The following SPTBN4 variants were observed in gnomAD, a reference collection of about 807,000 sequenced individuals.
The protein encoded by SPTBN4 is spectrin beta, non-erythrocytic 4.
Under a neutral mutation model 277.8 loss-of-function variants are expected in SPTBN4, and 96 were observed. The ratio of observed to expected loss-of-function variants is 0.35; its 90% CI spans 0.29 to 0.41. The LOEUF (loss-of-function observed/expected upper bound fraction) is 0.41, where lower values mean the gene tolerates loss of function less well. SPTBN4 is among the 10% of genes least tolerant of loss of function. The pLI, the probability that SPTBN4 is intolerant of heterozygous loss-of-function variation, is 1.00. For missense variants in SPTBN4, 3,006 were observed against 3,595.7 expected, an observed-to-expected ratio of 0.84 and a Z score of 4.19; for synonymous variants, 1,481 against 1,580.3, an observed-to-expected ratio of 0.94 and a Z score of 1.49.
chr19:40,515,583 A>T lies in SPTBN4; in HGVS notation c.2903+135A>T. 9.2e-7 allele frequency: 1 copy of T among 1,085,888 alleles called. No individual in the cohort carries two copies. The highest frequency in any genetic ancestry group is 1.3e-6 in the Non-Finnish European group (1 of 799,190). 67.3% of individuals were successfully genotyped at this position (1,085,888 alleles called of 1,614,324 possible). ...GATAAATCAACAAAATGTTGACCAA[A>T]AATCATAATCCCTGATACTGGTGAT... On this transcript the variant is annotated intron_variant, in intron 15 of 35. Transcript: ENST00000598249. This position sits in a 1 kb window ranked among gnomAD's most constrained non-coding sequence, Gnocchi z 4.1.
chr19:40,481,336 G>A (rs1239358845), intron 2 of SPTBN4, among the ~76,000 whole-genome samples: 1 of 152,128 alleles, frequency 6.6e-6, no homozygotes, highest in Non-Finnish European at 1.5e-5. Context: ...GATTACATGT[G>A]TGAGCCATGC....
intron 20 of SPTBN4, among the ~76,000 whole-genome samples, chr19:40,536,509 C>T (rs900490325): frequency 3.9e-5 from 6 of 152,106 alleles, no homozygotes; most frequent in African/African-American, 1.4e-4. Flanking sequence ...CCACTGTGCC[C>T]GGCCAATGAG....
Position 40,560,828 on chromosome 19 carries a change from C to T in SPTBN4, c.5915+425C>T, listed in dbSNP as rs2081035478. ...TTGGATGTGAGTGTCCAGCAGAATC[C>T]TGTCCCCTGGTGATTGGGAGCCAGG... On this transcript the variant is annotated intron_variant, in intron 27 of 35. Coordinates refer to ENST00000598249, the MANE Select transcript of SPTBN4 (RefSeq NM_020971.3). This position sits in a 1 kb window ranked among gnomAD's most constrained non-coding sequence, Gnocchi z 5.2. 1.1e-6 allele frequency: 1 copy of T among 908,276 alleles called. No individual in the cohort carries two copies. Among genetic ancestry groups the T allele is most frequent in the Non-Finnish European group, 1.4e-6 (1 of 728,208 alleles). 56.3% of individuals were successfully genotyped at this position (908,276 alleles called of 1,614,324 possible).
rs764429264 is a variant in SPTBN4, at chr19:40,534,118, G to A, written c.4134G>A (p.Ala1378=). 4.0e-5 allele frequency: 64 copies of A among 1,608,706 alleles called. No individual in the cohort carries two copies. Among genetic ancestry groups the A allele is most frequent in the Non-Finnish European group, 4.7e-5 (55 of 1,176,178 alleles). The change falls in exon 20 of 36, where the codon GCG becomes GCA. Residue 1378 remains alanine (A), a synonymous_variant. Transcript: ENST00000598249. ...QQLMQEKPEL[A]ASVRKKLGEI... Reference sequence around the variant, plus strand: ...TGATGCAGGAGAAGCCCGAACTGGCGGCCTCCGTGCGGAAGAAGCTGGGCG... The same window carrying A: ...TGATGCAGGAGAAGCCCGAACTGGCAGCCTCCGTGCGGAAGAAGCTGGGCG...
At chr19:40,562,394 G>C (rs1464627840) in intron 27 of SPTBN4, among the ~76,000 whole-genome samples, 2 of 152,092 alleles carry the variant, frequency 1.3e-5, no homozygotes, top group Non-Finnish European at 2.9e-5. Flanking sequence ...GCTGGGTGTT[G>C]TGGCATGTGC....
At position 40,472,597 on chromosome 19, in the gene SPTBN4, C is replaced by G. The variant is rs367780614; in HGVS notation, c.-15-10C>G. 4 of 1,594,096 alleles carry G rather than the reference C, an allele frequency of 2.5e-6. No individual in the cohort carries two copies. Among genetic ancestry groups the G allele is most frequent in the African/African-American group, 2.7e-5 (2 of 74,658 alleles). On this transcript the variant is annotated splice_polypyrimidine_tract_variant and intron_variant, in intron 1 of 35. Coordinates refer to ENST00000598249, the MANE Select transcript of SPTBN4 (RefSeq NM_020971.3). ...GATCCTAGACCTAACCTACCTCTCC[C>G]TATGTCCAGGCCTCACCTTCCCCGA...
At chr19:40,487,331 C>T (rs1426971807) in intron 2 of SPTBN4, among the ~76,000 whole-genome samples, 1 of 149,254 alleles carries the variant, frequency 6.7e-6, no homozygotes, top group Non-Finnish European at 1.5e-5. Flanking sequence ...TGAGCCACCG[C>T]GCCCAGCCGA....
At chr19:40,559,573 G>A (rs1599810274) in intron 26 of SPTBN4, among the ~76,000 whole-genome samples, 2 of 152,140 alleles carry the variant, frequency 1.3e-5, no homozygotes, top group Non-Finnish European at 2.9e-5. Context: ...ACTTGAGCCC[G>A]GGATGTCAAG....
At chr19:40,484,941 AC>A (rs1294795816) in intron 2 of SPTBN4, among the ~76,000 whole-genome samples, 2 of 133,234 alleles carry the variant, frequency 1.5e-5, no homozygotes, top group African/African-American at 7.4e-5. Flanking sequence ...CAAAAAAAAA[AC>A]AAAACAAAAA....
Position 40,512,962 on chromosome 19 carries a change from C to T in SPTBN4, c.2173C>T (p.Leu725=), listed in dbSNP as rs1223590552. ...LQQALRCGEE[L]VAAGGAVGPG... is the part of the protein sequence containing the mutation. The stretch of plus-strand genomic sequence containing the variant: ...GCAGGCCCTGCGGTGTGGCGAGGAG[C>T]TGGTTGCGGCCGGCGGTGCCGTCGG... The change falls in exon 14 of 36, where the codon CTG becomes TTG. Residue 725 remains leucine, a synonymous_variant. Coordinates refer to ENST00000598249, the MANE Select transcript of SPTBN4 (RefSeq NM_020971.3). The T allele has an allele frequency of 1.4e-6, 2 of 1,412,716 alleles. No individual in the cohort carries two copies. Among genetic ancestry groups the T allele is most frequent in the African/African-American group, 1.5e-5 (1 of 65,988 alleles). The allele number at this position is 1,412,716 out of a possible 1,614,324, so 87.5% of individuals were successfully genotyped here.
intron 2 of SPTBN4, among the ~76,000 whole-genome samples, chr19:40,478,181 A>C (rs1194372877): frequency 6.6e-6 from 1 of 152,108 alleles, no homozygotes; most frequent in Non-Finnish European, 1.5e-5. Context: ...CCAGGGAGCT[A>C]TGGAAAGATT....
At chr19:40,563,709 A>G (rs1031724651) in intron 27 of SPTBN4, among the ~76,000 whole-genome samples, 13 of 150,324 alleles carry the variant, frequency 8.6e-5, no homozygotes, top group African/African-American at 3.2e-4. Context: ...AGGAGACTCC[A>G]TCTCAAAAAC....
rs779161072 is a variant in SPTBN4, at chr19:40,554,450, G to A, written c.4953+25G>A. On this transcript the variant is annotated intron_variant, in intron 23 of 35. Coordinates refer to ENST00000598249, the MANE Select transcript of SPTBN4 (RefSeq NM_020971.3). This position sits in a 1 kb window ranked among gnomAD's most constrained non-coding sequence, Gnocchi z 5.7. ...GGTGCGCCCGAGCTGGGGGTGCGGA[G>A]GGCCTGGGGGCGCTGGAGCCGGGGG... The A allele has an allele frequency of 6.6e-7, 1 of 1,515,568 alleles. No homozygotes were observed. The highest frequency in any genetic ancestry group is 1.3e-5 in the South Asian group (1 of 79,354). 93.9% of individuals were successfully genotyped at this position (1,515,568 alleles called of 1,614,324 possible).
In SPTBN4 at chr19:40,502,939, AGGTG is replaced by A. The variant is rs758575831; in HGVS notation, c.1362+7_1362+10del. 7 of 1,613,284 alleles carry A rather than the reference AGGTG, an allele frequency of 4.3e-6. No homozygotes were observed. In the South Asian group the frequency reaches 7.7e-5, roughly 18 times the overall value. ...ACCAGCGTCTGGTCTCCCAGGTACA[AGGTG>A]TAGGGCTTGGCTCCAGGGTAAAGGG... On this transcript the variant is annotated splice_region_variant and intron_variant, in intron 11 of 35. Transcript: ENST00000598249. The surrounding 1 kb of genome is among the most constrained non-coding windows in gnomAD (Gnocchi z 4.9).
At chr19:40,504,162 GAGTGCCAGGA>G in intron 12 of SPTBN4, 30 bp downstream of exon 12, 1 of 1,403,540 alleles carries the variant, frequency 7.1e-7, no homozygotes, top group Non-Finnish European at 9.8e-7. Flanking sequence ...GATGCGGGTG[GAGTGCCAGGA>G]GGGAGGGGAG....
Position 40,515,244 on chromosome 19 carries a change from T to A in SPTBN4, c.2766-67T>A. The A allele has an allele frequency of 6.4e-7, 1 of 1,559,480 alleles. No individual in the cohort carries two copies. The highest frequency in any genetic ancestry group is 8.7e-7 in the Non-Finnish European group (1 of 1,154,678). On this transcript the variant is annotated intron_variant, in intron 14 of 35. Transcript: ENST00000598249. The surrounding 1 kb of genome is among the most constrained non-coding windows in gnomAD (Gnocchi z 4.1). ...GATTGAGAATTAGGAGTAGAACCAG[T>A]AGAAGGTATTTCATAAAACCAAGGT...
At chr19:40,498,275 G>C (rs1179471514) in intron 7 of SPTBN4, among the ~76,000 whole-genome samples, 10 of 152,042 alleles carry the variant, frequency 6.6e-5, no homozygotes, top group Non-Finnish European at 1.3e-4. Context: ...GAGCTCTACT[G>C]TGTGCCAGAC....
In SPTBN4 at chr19:40,556,100, C is replaced by T. The variant is rs374404161; in HGVS notation, c.5101C>T (p.Arg1701Trp). 1.6e-5 allele frequency: 26 copies of T among 1,611,064 alleles called. No homozygotes were observed. Among genetic ancestry groups the T allele is most frequent in the Non-Finnish European group, 2.1e-5 (25 of 1,179,380 alleles). Residue 1701 changes from arginine to tryptophan, a missense_variant, in exon 25 of 36, where the codon CGG (arginine) becomes TGG (tryptophan). Physicochemically the swap from Arg to Trp is moderately radical, Grantham distance 101. Coordinates refer to ENST00000598249, the MANE Select transcript of SPTBN4 (RefSeq NM_020971.3). ...CCCCTTCAGCGAGCAGATCAGCCGG[C>T]GGCAGTCTCAGGTGGACCGCCTGTA... is the stretch of plus-strand genomic sequence containing the variant. Reference protein sequence around the residue: ...GHPDSEQISRRQSQVDRLYVA... With the variant: ...GHPDSEQISRWQSQVDRLYVA...
Position 40,568,232 on chromosome 19 carries a change from G to A in SPTBN4, c.6906G>A (p.Arg2302=). The A allele has an allele frequency of 6.2e-7, 1 of 1,602,424 alleles. No homozygotes were observed. The highest frequency in any genetic ancestry group is 1.3e-5 in the African/African-American group (1 of 74,776). The change falls in exon 31 of 36, where the codon CGG becomes CGA. Residue 2302 remains arginine (R), a synonymous_variant. Coordinates refer to ENST00000598249, the MANE Select transcript of SPTBN4 (RefSeq NM_020971.3). ...RRERRERRLE[R]QESSEQEMPI... ...AGCGGCGTGAGCGGCGCTTGGAGCG[G>A]CAGGAGTCCAGCGAACAGGAGATGC... is the stretch of plus-strand genomic sequence containing the variant.
Sources: allele counts gnomAD v4.1 joint callset (sites outside exome capture counted in the v4.1 genomes callset), GRCh38; gene constraint gnomAD v4.1.1; non-coding constraint Gnocchi (gnomAD v3.1); transcripts MANE v1.5; gene names NCBI Gene and HGNC (gene_info 2026-07-23, HGNC 2026-07-21).